Variants in NEBL observed in about 807,000 individuals in gnomAD.
NEBL encodes LIM and SH3 protein 2.
Under a neutral mutation model 140.2 loss-of-function variants are expected in NEBL, and 122 were observed. The ratio of observed to expected loss-of-function variants is 0.87; its 90% confidence interval spans 0.75 to 1.01. The LOEUF (loss-of-function observed/expected upper bound fraction) is 1.01. Among genes scored for constraint, NEBL ranks in the 50% least tolerant of loss-of-function variants. The pLI is 0.00. For synonymous variants in NEBL, 436 were observed against 398.9 expected, an observed-to-expected ratio of 1.09 and a Z score of -1.11; for missense variants, 1,365 against 1,231.3, an observed-to-expected ratio of 1.11 and a Z score of -1.62.
intron 2 of NEBL, among the ~76,000 whole-genome samples, chr10:21,061,295 A>ACATATTATGTGATATGTAACATG (rs1835273536): frequency 1.2e-3 from 142 of 116,972 alleles, no homozygotes; most frequent in South Asian, 3.2e-3. Flanking sequence ...TATGTAACAT[A>ACATATTATGTGATATGTAACATG]TTACATATTA....
At chr10:20,831,902 T>C (rs1840455381) in intron 14 of NEBL, among the ~76,000 whole-genome samples, 1 of 152,138 alleles carries the variant, frequency 6.6e-6, no homozygotes, top group Non-Finnish European at 1.5e-5. Flanking sequence ...CTTAGTTAAG[T>C]GTCAGTCAAG....
chr10:21,189,843 G>T (rs1187979575), intron 3 of NEBL, among the ~76,000 whole-genome samples: 2 of 152,144 alleles, frequency 1.3e-5, no homozygotes, highest in Non-Finnish European at 2.9e-5. Context: ...CCAACAATTT[G>T]GAAAGGTTTT....
chr10:20,827,385 G>C (rs1839979251), intron 17 of NEBL, among the ~76,000 whole-genome samples: 1 of 152,172 alleles, frequency 6.6e-6, no homozygotes, highest in African/African-American at 2.4e-5. Context: ...CATCCCTGTG[G>C]AGACCCAGCA....
At chr10:20,947,817 C>T (rs1461440498) in intron 4 of NEBL, among the ~76,000 whole-genome samples, 1 of 152,082 alleles carries the variant, frequency 6.6e-6, no homozygotes, top group Non-Finnish European at 1.5e-5. Context: ...GTAAGGGGCA[C>T]CCAAAATAGA....
At chr10:21,011,419 C>T (rs563086362) in intron 3 of NEBL, among the ~76,000 whole-genome samples, 5 of 152,196 alleles carry the variant, frequency 3.3e-5, no homozygotes, top group African/African-American at 1.2e-4. Context: ...TTAGTTCCAT[C>T]GGTTGCATTG....
intron 3 of NEBL, among the ~76,000 whole-genome samples, chr10:20,983,622 T>G (rs1837139495): frequency 6.6e-6 from 1 of 152,262 alleles, no homozygotes; most frequent in Admixed American, 6.5e-5. Context: ...TAGCGCAGTC[T>G]AATTGTGTAC....
intron 12 of NEBL, among the ~76,000 whole-genome samples, chr10:20,843,242 G>T (rs538316858): frequency 6.6e-6 from 1 of 151,974 alleles, no homozygotes; most frequent in Non-Finnish European, 1.5e-5. Context: ...GAGGGCCCTC[G>T]CTAAGAATCA....
At chr10:21,181,081 G>A (rs1237212827) in intron 3 of NEBL, among the ~76,000 whole-genome samples, 1 of 151,948 alleles carries the variant, frequency 6.6e-6, no homozygotes, top group Non-Finnish European at 1.5e-5. Context: ...GACCAACATG[G>A]CAAAACCCCA....
chr10:20,808,750 A>T (rs1316086330), intron 25 of NEBL, 91 bp from the exon 26 acceptor site: 1 of 1,347,238 alleles, frequency 7.4e-7, no homozygotes, highest in Non-Finnish European at 1.1e-6. Flanking sequence ...ACAGAGAAGA[A>T]AAACCATCTC....
chr10:21,193,613 G>T (rs1211285976), intron 3 of NEBL, among the ~76,000 whole-genome samples: 1 of 152,156 alleles, frequency 6.6e-6, no homozygotes, highest in Non-Finnish European at 1.5e-5. Context: ...AGCAACAGAA[G>T]GACAAAGGGA....
chr10:21,228,332 T>C (rs570047441), intron 3 of NEBL, among the ~76,000 whole-genome samples: 7 of 152,214 alleles, frequency 4.6e-5, no homozygotes, highest in African/African-American at 1.7e-4. Context: ...TTTTAAACTT[T>C]TTTATAGAAA....
chr10:20,802,505 A>G (rs1207236161), intron 26 of NEBL, among the ~76,000 whole-genome samples: 3 of 152,224 alleles, frequency 2.0e-5, no homozygotes, highest in African/African-American at 7.2e-5. Flanking sequence ...ATACATTGAA[A>G]AGTAGATTGA....
At chr10:21,202,312 G>C (rs1354699643) in intron 3 of NEBL, among the ~76,000 whole-genome samples, 1 of 151,728 alleles carries the variant, frequency 6.6e-6, no homozygotes, top group African/African-American at 2.4e-5. Flanking sequence ...ATTTTTGTGA[G>C]ATAAAAAAAG....
intron 26 of NEBL, among the ~76,000 whole-genome samples, chr10:20,806,926 G>T (rs1270027329): frequency 2.0e-5 from 3 of 152,170 alleles, no homozygotes; most frequent in African/African-American, 7.2e-5. Context: ...ATTAGTTCTT[G>T]TATTTGCTTT....
chr10:21,164,385 C>G (rs1164541802), intron 2 of NEBL, among the ~76,000 whole-genome samples: 2 of 152,214 alleles, frequency 1.3e-5, no homozygotes, highest in East Asian at 3.8e-4. Context: ...AGGAACCACT[C>G]TGTAAAGCAC....
intron 3 of NEBL, among the ~76,000 whole-genome samples, chr10:21,010,687 C>T (rs1010639826): frequency 4.6e-5 from 7 of 152,162 alleles, no homozygotes; most frequent in Non-Finnish European, 7.3e-5. Flanking sequence ...AGTTACTCTA[C>T]TTCTACATAG....
chr10:20,943,777 C>T (rs1030351319), intron 4 of NEBL, among the ~76,000 whole-genome samples: 2 of 152,200 alleles, frequency 1.3e-5, no homozygotes, highest in South Asian at 4.1e-4. Context: ...TATTCAGTTA[C>T]TAGGATCCTA....
intron 3 of NEBL, among the ~76,000 whole-genome samples, chr10:20,970,874 A>C (rs1375344589): frequency 6.6e-6 from 1 of 152,218 alleles, no homozygotes; most frequent in Non-Finnish European, 1.5e-5. Context: ...ACAAGGAAAA[A>C]AATGCCAAAG....
intron 2 of NEBL, among the ~76,000 whole-genome samples, chr10:21,107,340 C>A (rs745668460): frequency 4.6e-5 from 7 of 152,088 alleles, no homozygotes; most frequent in Non-Finnish European, 1.0e-4. Flanking sequence ...GAGATACGTT[C>A]CATCAATACC....
Sources: allele counts gnomAD v4.1 joint callset (sites outside exome capture counted in the v4.1 genomes callset), GRCh38; gene constraint gnomAD v4.1.1; transcripts MANE v1.5; gene names NCBI Gene and HGNC (gene_info 2026-07-23, HGNC 2026-07-21).